The following MLIP variants were observed in gnomAD, a reference collection of about 807,000 sequenced individuals.
MLIP encodes muscular LMNA interacting protein.
Under a neutral mutation model 84.8 loss-of-function variants are expected in MLIP, and 79 were observed. That is an observed-to-expected ratio of 0.93 (90% CI 0.78 to 1.12). The LOEUF (loss-of-function observed/expected upper bound fraction) is 1.12. MLIP is among the 50% of genes most tolerant of loss of function. The pLI is 0.00. For synonymous variants in MLIP, 504 were observed against 463.0 expected, an observed-to-expected ratio of 1.09 and a Z score of -1.14; for missense variants, 1,257 against 1,160.6, an observed-to-expected ratio of 1.08 and a Z score of -1.21.
intron 1 of MLIP, among the ~76,000 whole-genome samples, chr6:54,097,940 T>C (rs1210528086): frequency 6.6e-6 from 1 of 152,094 alleles, no homozygotes; most frequent in Non-Finnish European, 1.5e-5. Flanking sequence ...GGTTGCTCAA[T>C]ATTAGAGTCA....
chr6:54,141,312 C>CTTTTTTTTTTTTT lies in MLIP; in HGVS notation c.2217+3027_2217+3039dup, dbSNP rs376576497. ...GGCATCTGAATGCTGCTCAGCCTGCCTTTTTTTTTTTTTGAGACACGTCCC... is the reference window on the plus strand; with the variant it reads ...GGCATCTGAATGCTGCTCAGCCTGCCTTTTTTTTTTTTTTTTTTTTTTTTTTGAGACACGTCCC... On this transcript the variant is annotated intron_variant, in intron 4 of 13. Coordinates refer to ENST00000502396, the MANE Select transcript of MLIP (RefSeq NM_001281747.2). 7.0e-5 allele frequency among the ~76,000 whole-genome samples: 9 copies of CTTTTTTTTTTTTT among 128,422 alleles called. 1 individual carries two copies. The highest frequency in any genetic ancestry group is 9.3e-5 in the African/African-American group (3 of 32,216). 84.2% of individuals were successfully genotyped at this position (128,422 alleles called of 152,430 possible).
At chr6:54,189,255 T>G (rs956117778) in intron 9 of MLIP, among the ~76,000 whole-genome samples, 1 of 152,222 alleles carries the variant, frequency 6.6e-6, no homozygotes, top group Non-Finnish European at 1.5e-5. Context: ...ACAGATTTCA[T>G]GTTAAATGTT....
Position 54,067,796 on chromosome 6 carries a change from C to T in MLIP, c.63+48705C>T, listed in dbSNP as rs1451066706. 2.0e-5 allele frequency among the ~76,000 whole-genome samples: 2 copies of T among 100,940 alleles called. 1 individual carries two copies. Among genetic ancestry groups the T allele is most frequent in the Non-Finnish European group, 5.7e-5 (2 of 35,064 alleles). 66.2% of individuals were successfully genotyped at this position (100,940 alleles called of 152,430 possible). Reference sequence around the variant, plus strand: ...AGGAAATCCAGGATGCCACAAAACTCACTGTAGTAATCAGTTTAGAGTGCA... The same window carrying T: ...AGGAAATCCAGGATGCCACAAAACTTACTGTAGTAATCAGTTTAGAGTGCA... On this transcript the variant is annotated intron_variant, in intron 1 of 12. Transcript: ENST00000274897.
intron 8 of MLIP, among the ~76,000 whole-genome samples, chr6:54,162,731 T>C (rs915175320): frequency 6.6e-6 from 1 of 151,960 alleles, no homozygotes; most frequent in Non-Finnish European, 1.5e-5. Context: ...GGCAGAGGGT[T>C]ATGTCAATTT....
intron 13 of MLIP, among the ~76,000 whole-genome samples, chr6:54,259,293 T>A (rs1049406610): frequency 6.6e-6 from 1 of 151,812 alleles, no homozygotes; most frequent in African/African-American, 2.4e-5. Context: ...AAATATATAC[T>A]TTCAGAAATA....
chr6:54,027,623 T>C (rs1469563057), intron 1 of MLIP, among the ~76,000 whole-genome samples: 1 of 152,160 alleles, frequency 6.6e-6, no homozygotes, highest in Non-Finnish European at 1.5e-5. Context: ...CTAGCCACCA[T>C]TTTCATTTTC....
At chr6:54,055,422 A>G (rs1765608018) in intron 1 of MLIP, among the ~76,000 whole-genome samples, 1 of 152,166 alleles carries the variant, frequency 6.6e-6, no homozygotes, top group Non-Finnish European at 1.5e-5. Flanking sequence ...AGAAATCTAT[A>G]TTTTCAAAAT....
chr6:54,192,098 T>C (rs1777975821), intron 10 of MLIP, among the ~76,000 whole-genome samples: 1 of 151,978 alleles, frequency 6.6e-6, no homozygotes, highest in Non-Finnish European at 1.5e-5. Flanking sequence ...AATAATCCTG[T>C]TGTTTGTGTT....
chr6:54,087,414 G>A (rs1022798261), intron 1 of MLIP, among the ~76,000 whole-genome samples: 16 of 152,128 alleles, frequency 1.1e-4, no homozygotes, highest in African/African-American at 3.9e-4. Flanking sequence ...ATTGAAGTGG[G>A]TGGTTTCGTA....
intron 12 of MLIP, among the ~76,000 whole-genome samples, chr6:54,243,678 C>G (rs1781887696): frequency 6.6e-6 from 1 of 152,074 alleles, no homozygotes; most frequent in African/African-American, 2.4e-5. Flanking sequence ...AAAGCTGATG[C>G]TTGATTAATT....
chr6:54,261,881 T>C, intron 13 of MLIP: 1 of 314,200 alleles, frequency 3.2e-6, no homozygotes, highest in Non-Finnish European at 4.6e-6. Context: ...CTTGGATTGC[T>C]GAGAGTTGAA....
intron 1 of MLIP, among the ~76,000 whole-genome samples, chr6:54,052,767 G>C (rs1416866394): frequency 6.6e-6 from 1 of 152,134 alleles, no homozygotes; most frequent in Non-Finnish European, 1.5e-5. Context: ...AGAAAACATT[G>C]TGACAAATTA....
At chr6:54,104,766 G>C (rs1768893346) in intron 1 of MLIP, among the ~76,000 whole-genome samples, 1 of 151,824 alleles carries the variant, frequency 6.6e-6, no homozygotes, top group African/African-American at 2.4e-5. Flanking sequence ...AAATATTATG[G>C]CTAAAAGAAG....
intron 3 of MLIP, among the ~76,000 whole-genome samples, chr6:54,128,388 G>A (rs942399924): frequency 1.1e-4 from 16 of 152,038 alleles, no homozygotes; most frequent in African/African-American, 3.6e-4. Flanking sequence ...AAGTATAAAA[G>A]CACCTATGAA....
rs527987681 is a variant in MLIP, at chr6:54,266,050, A to G, written c.*95A>G. 2 of 1,258,500 alleles carry G rather than the reference A, an allele frequency of 1.6e-6. No homozygotes were observed. The highest frequency in any genetic ancestry group is 2.4e-5 in the East Asian group (1 of 40,936). 78.0% of individuals were successfully genotyped at this position (1,258,500 alleles called of 1,614,324 possible). A position where few individuals can be genotyped will look rare whatever the true frequency, so the allele number is the denominator to read the frequency against. On this transcript the variant is annotated 3_prime_UTR_variant, in exon 14 of 14. Transcript: ENST00000502396. ...ATTTAACTTTTTTTTTTTTTTCCAG[A>G]ATGAGTGCTCCCTTTATGAGCTGCA...
In MLIP at chr6:54,137,616, G is replaced by A; in HGVS notation, c.1547G>A (p.Ser516Asn). The stretch of plus-strand genomic sequence containing the variant: ...CTCTCTCCTACAAAACAGGCTAGTA[G>A]CAGCCTTGCTTCCATGAATGTAGAG... Reference protein sequence around the residue: ...PSLSPTKQASSSLASMNVERT... With the variant: ...PSLSPTKQASNSLASMNVERT... Residue 516 changes from serine to asparagine, a missense_variant, in exon 4 of 14, where the codon AGC (serine) becomes AAC (asparagine). Transcript: ENST00000502396. The A allele has an allele frequency of 6.5e-7, 1 of 1,536,090 alleles. No homozygotes were observed. Among genetic ancestry groups the A allele is most frequent in the Non-Finnish European group, 8.7e-7 (1 of 1,146,900 alleles).
chr6:54,220,229 C>A (rs954081922), intron 11 of MLIP, among the ~76,000 whole-genome samples: 7 of 151,942 alleles, frequency 4.6e-5, no homozygotes, highest in East Asian at 1.9e-4. Flanking sequence ...TATATTTTTG[C>A]CTTGAGTTTT....
chr6:54,153,837 G>A (rs1000899999), intron 5 of MLIP, among the ~76,000 whole-genome samples: 5 of 127,306 alleles, frequency 3.9e-5, no homozygotes, highest in African/African-American at 6.3e-5. Flanking sequence ...GGGTGACAGA[G>A]TGAGACTCAG....
Position 54,265,616 on chromosome 6 carries a change from G to C in MLIP, c.2977-334G>C, listed in dbSNP as rs1032274522. ...TAAGTCATCAGCCAAGTCATGGAAG[G>C]GTGTGGGTGTGGGTGAGATATAACA... is the stretch of plus-strand genomic sequence containing the variant. On this transcript the variant is annotated intron_variant, in intron 13 of 13. Coordinates refer to ENST00000502396, the MANE Select transcript of MLIP (RefSeq NM_001281747.2). Among the ~76,000 whole-genome samples, 25 of 152,048 alleles carry C rather than the reference G, an allele frequency of 1.6e-4. 1 individual carries two copies.
Sources: gnomAD v4.1 joint callset for allele counts (sites outside exome capture counted in the v4.1 genomes callset) on GRCh38, gnomAD v4.1.1 for gene constraint, MANE v1.5 for transcripts, NCBI Gene and HGNC (gene_info 2026-07-23, HGNC 2026-07-21) for gene names.